Variants in SNURF observed in about 807,000 individuals in gnomAD.
SNURF encodes the protein SNURF protein.
A neutral mutation model predicts 11.6 loss-of-function variants in SNURF; 6 were observed. The observed-to-expected ratio is 0.52, with a 90% CI of 0.28 to 1.02. SNURF has a LOEUF of 1.02. Ranked by LOEUF, SNURF falls within the 50% of genes least tolerant of loss-of-function variation. The pLI is 0.09. For synonymous variants in SNURF, 29 were observed against 31.6 expected (o/e 0.92, Z 0.27); for missense variants, 84 against 88.4 (o/e 0.95, Z 0.20).
rs373215950 is a variant in SNURF, at chr15:24,976,332, T to C, written c.*225T>C. On this transcript the variant is annotated 3_prime_UTR_variant and NMD_transcript_variant, in exon 5 of 7. Transcript: ENST00000580062. ...CAAAGAATGCGAAGCAACCAGAGCG[T>C]GAAGAAAAGCGGGTTTTGGGTCTGG... 518 of 1,613,450 alleles carry C rather than the reference T, an allele frequency of 3.2e-4. No homozygotes were observed. The highest frequency in any genetic ancestry group is 4.1e-4 in the Non-Finnish European group (484 of 1,179,922).
exon 3 of SNURF, chr15:24,968,221 A>T: frequency 1.7e-6 from 1 of 603,468 alleles, no homozygotes. Flanking sequence ...AAGTTTTAGA[A>T]AGTTTTGCAG....
intron 3 of SNURF, among the ~76,000 whole-genome samples, chr15:24,973,965 A>T (rs1431285873): frequency 6.6e-6 from 1 of 152,246 alleles, no homozygotes; most frequent in East Asian, 1.9e-4. Flanking sequence ...TGAGATGTTG[A>T]TACAGAGATG....
At chr15:24,958,791 C>A in intron 1 of SNURF, 1 of 154,414 alleles carries the variant, frequency 6.5e-6, no homozygotes, top group Middle Eastern at 5.3e-4. Flanking sequence ...GCAGTTATAG[C>A]TCCCTGTAAC....
downstream of SNURF, among the ~76,000 whole-genome samples, chr15:24,969,209 A>G (rs2076083632): frequency 6.6e-6 from 1 of 152,162 alleles, no homozygotes; most frequent in Non-Finnish European, 1.5e-5. Context: ...GCTCACTGCA[A>G]CCTCTGCCTC....
At chr15:24,976,745 G>T in intron 5 of SNURF, 1 of 800,576 alleles carries the variant, frequency 1.2e-6, no homozygotes, top group East Asian at 2.6e-5. Context: ...TTGCTTGTTT[G>T]TTCATTTGGA....
chr15:24,960,815 A>C (rs2074667586), intron 1 of SNURF, among the ~76,000 whole-genome samples: 1 of 152,206 alleles, frequency 6.6e-6, no homozygotes, highest in Admixed American at 6.5e-5. Context: ...AGTGACATAC[A>C]AAAGCTGTAG....
chr15:24,971,435 A>G (rs556436959), downstream of SNURF, among the ~76,000 whole-genome samples: 4 of 152,282 alleles, frequency 2.6e-5, no homozygotes, highest in African/African-American at 4.8e-5. Flanking sequence ...CTAAATTCCA[A>G]ATCTGTCTCT....
intron 1 of SNURF, among the ~76,000 whole-genome samples, chr15:24,956,520 C>T (rs1230704627): frequency 6.6e-6 from 1 of 152,302 alleles, no homozygotes; most frequent in Non-Finnish European, 1.5e-5. Context: ...CAAAGTGCTG[C>T]TTGGGAAAGG....
chr15:24,959,087 G>A (rs2074357169), intron 1 of SNURF, among the ~76,000 whole-genome samples: 1 of 152,100 alleles, frequency 6.6e-6, no homozygotes, highest in South Asian at 2.1e-4. Context: ...AATAAAATTG[G>A]GATTCCATTG....
chr15:24,975,273 A>G (rs1450248556), intron 3 of SNURF: 2 of 1,051,590 alleles, frequency 1.9e-6, no homozygotes, highest in Non-Finnish European at 2.8e-6. Flanking sequence ...GGCTTAGATT[A>G]TGTAAGGGTG....
intron 3 of SNURF, chr15:24,975,088 C>T: frequency 1.5e-6 from 1 of 649,412 alleles, no homozygotes; most frequent in Non-Finnish European, 2.8e-6. Context: ...GGGGAGTGGA[C>T]AGTTTAGAGC....
At chr15:24,976,211 A>G in intron 4 of SNURF, 1 of 924,128 alleles carries the variant, frequency 1.1e-6, no homozygotes, top group Admixed American at 2.0e-5. Context: ...GTTTAGCATC[A>G]GTTGTCTTAA....
chr15:24,967,899 T>A (rs2075892147), intron 2 of SNURF, 33 bp from the exon 3 acceptor site: 1 of 1,565,270 alleles, frequency 6.4e-7, no homozygotes, highest in African/African-American at 1.4e-5. Flanking sequence ...AAATGTATTT[T>A]TATCATTTAT....
intron 2 of SNURF, among the ~76,000 whole-genome samples, chr15:24,964,606 C>A (rs1375654077): frequency 1.3e-5 from 2 of 152,116 alleles, no homozygotes; most frequent in African/African-American, 4.8e-5. Flanking sequence ...CCTCTCCCTT[C>A]ATTCTTTTGC....
intron 1 of SNURF, among the ~76,000 whole-genome samples, chr15:24,956,007 C>T (rs900271406): frequency 3.3e-5 from 5 of 152,042 alleles, no homozygotes; most frequent in Non-Finnish European, 7.4e-5. Context: ...TCTGGTTTGC[C>T]TACTGTGGTG....
intron 2 of SNURF, among the ~76,000 whole-genome samples, chr15:24,962,914 A>G (rs1446975790): frequency 6.6e-6 from 1 of 151,924 alleles, no homozygotes; most frequent in African/African-American, 2.4e-5. Context: ...TGTTTTTTTT[A>G]ATTATAAGTA....
At chr15:24,976,702 G>T (rs561477099) in intron 5 of SNURF, among the ~76,000 whole-genome samples, 4 of 152,294 alleles carry the variant, frequency 2.6e-5, no homozygotes, top group African/African-American at 7.2e-5. Context: ...CAAATAATGT[G>T]CATTTTATAC....
rs201213954 is a variant in SNURF at position 24,977,553 on chromosome 15, G to A, written c.*463-225G>A. 5.3e-5 allele frequency among the ~76,000 whole-genome samples: 8 copies of A among 152,150 alleles called. No homozygotes were observed. In the East Asian group the frequency reaches 9.7e-4, roughly 18 times the overall value. On this transcript the variant is annotated intron_variant and NMD_transcript_variant, in intron 6 of 6. Transcript: ENST00000580062. ...TACCAGGCAGGGAGACAGGAGAATC[G>A]CTTGAACCCAGGAGTGGGAGGCTGC...
downstream of SNURF, among the ~76,000 whole-genome samples, chr15:24,971,739 A>G (rs2153637772): frequency 1.3e-5 from 2 of 152,304 alleles, 1 homozygote. Context: ...TAAATGGGTT[A>G]AAAACGGCTT....
Sources: allele counts gnomAD v4.1 joint callset (sites outside exome capture counted in the v4.1 genomes callset), GRCh38; gene constraint gnomAD v4.1.1; transcripts MANE v1.5; gene names NCBI Gene and HGNC (gene_info 2026-07-23, HGNC 2026-07-21).